The following POLN variants were observed in gnomAD, a reference collection of about 807,000 sequenced individuals.
POLN encodes DNA polymerase N.
Under a neutral mutation model 113.5 loss-of-function variants are expected in POLN, and 108 were observed. That is an observed-to-expected ratio of 0.95 (90% CI 0.81 to 1.12). The LOEUF is 1.12. Ranked by LOEUF, POLN falls within the 50% of genes most tolerant of loss-of-function variation. POLN has a pLI of 0.00. For synonymous variants in POLN, 386 were observed against 391.5 expected, an observed-to-expected ratio of 0.99 and a Z score of 0.17; for missense variants, 1,097 against 1,077.1, an observed-to-expected ratio of 1.02 and a Z score of -0.26.
intron 15 of POLN, among the ~76,000 whole-genome samples, chr4:2,157,083 A>G (rs927990659): frequency 2.0e-5 from 3 of 152,222 alleles, no homozygotes; most frequent in Non-Finnish European, 4.4e-5. Flanking sequence ...AGGAACTGCC[A>G]TAAGACTTTA....
chr4:2,088,945 G>A (rs1175431381), intron 20 of POLN: 12 of 1,002,232 alleles, frequency 1.2e-5, no homozygotes, highest in East Asian at 2.6e-5. Flanking sequence ...TAGCAGCAAC[G>A]GCCTTGGTCC....
At chr4:2,240,268 G>A (rs1052808146) in intron 2 of POLN, 1 of 1,613,648 alleles carries the variant, frequency 6.2e-7, no homozygotes, top group Admixed American at 1.7e-5. Context: ...ACTACTTCAT[G>A]TATACCCTGA....
rs59566433 is a variant in POLN at position 2,078,745 on chromosome 4, G to A, written c.2387+2213C>T. ...TCCACACGAGTCTGCTTTGCATTTT[G>A]CTATGAGAAGCATTTCCTCGTGACA... On this transcript the variant is annotated intron_variant, in intron 23 of 25. Transcript: ENST00000511885. 4.0e-4 allele frequency: 397 copies of A among 985,450 alleles called. 5 individuals are homozygous for A. The East Asian group carries it at 0.036, about 89-fold the overall frequency. The allele number at this position is 985,450 out of a possible 1,614,324, so 61.0% of individuals were successfully genotyped here. A position where few individuals can be genotyped will look rare whatever the true frequency, so the allele number is the denominator to read the frequency against.
chr4:2,092,179 C>T (rs559069681), intron 20 of POLN, among the ~76,000 whole-genome samples: 2 of 152,294 alleles, frequency 1.3e-5, no homozygotes, highest in African/African-American at 4.8e-5. Context: ...CTGACAGGTG[C>T]GAGCCCCTCG....
intron 3 of POLN, among the ~76,000 whole-genome samples, chr4:2,221,130 A>T (rs1734243803): frequency 6.6e-6 from 1 of 151,998 alleles, no homozygotes; most frequent in Non-Finnish European, 1.5e-5. Context: ...TTTATTTTTT[A>T]AATAAAATTT....
At chr4:2,107,587 A>C (rs1156346078) in intron 19 of POLN, among the ~76,000 whole-genome samples, 1 of 152,160 alleles carries the variant, frequency 6.6e-6, no homozygotes, top group Non-Finnish European at 1.5e-5. Context: ...TTACACCAGT[A>C]GATGTGGGAG....
At chr4:2,172,794 A>G (rs1437805980) in intron 11 of POLN, among the ~76,000 whole-genome samples, 1 of 152,202 alleles carries the variant, frequency 6.6e-6, no homozygotes, top group Non-Finnish European at 1.5e-5. Flanking sequence ...CCTGTGTCCC[A>G]GCAGCACTAG....
At chr4:2,086,699 C>CT (rs1730558877) in intron 20 of POLN, among the ~76,000 whole-genome samples, 1 of 152,178 alleles carries the variant, frequency 6.6e-6, no homozygotes, top group South Asian at 2.1e-4. Flanking sequence ...AGCCTTGGCC[C>CT]TGGGGAGTGC....
intron 23 of POLN, chr4:2,080,660 G>A: frequency 7.6e-7 from 1 of 1,309,632 alleles, no homozygotes; most frequent in Non-Finnish European, 9.8e-7. Flanking sequence ...CCTCTGGGGT[G>A]GGCAGCCTCA....
intron 19 of POLN, among the ~76,000 whole-genome samples, chr4:2,096,638 C>A (rs1034770287): frequency 3.3e-5 from 5 of 150,516 alleles, no homozygotes; most frequent in Non-Finnish European, 5.9e-5. Context: ...ATCATCTACA[C>A]CAGGCCTCCC....
At chr4:2,123,624 CAAAAAAAAAAAA>C (rs771462226) in intron 19 of POLN, among the ~76,000 whole-genome samples, 1 of 54,954 alleles carries the variant, frequency 1.8e-5, no homozygotes, top group Non-Finnish European at 3.6e-5. Context: ...GACCCTGTCT[CAAAAAAAAAAAA>C]AAAAAAAAAG....
chr4:2,142,415 G>C (rs927225488), intron 16 of POLN, among the ~76,000 whole-genome samples: 1 of 152,196 alleles, frequency 6.6e-6, no homozygotes. Context: ...TATTTTGTTC[G>C]ATTAAAGCTG....
chr4:2,114,894 T>C (rs1318576352), intron 19 of POLN, among the ~76,000 whole-genome samples: 2 of 151,892 alleles, frequency 1.3e-5, no homozygotes, highest in Admixed American at 6.6e-5. Flanking sequence ...CTGATATTGT[T>C]GCACAGATCT....
intron 5 of POLN, among the ~76,000 whole-genome samples, chr4:2,204,487 T>G (rs1733797035): frequency 6.6e-6 from 1 of 152,182 alleles, no homozygotes; most frequent in African/African-American, 2.4e-5. Context: ...CCAGACAGAT[T>G]CACAGCAGAA....
At chr4:2,113,859 AAATAATAATAAT>A (rs150255371) in intron 19 of POLN, among the ~76,000 whole-genome samples, 313 of 140,022 alleles carry the variant, frequency 2.2e-3, no homozygotes, top group African/African-American at 6.5e-3. Context: ...CTCCATTTCA[AAATAATAATAAT>A]AATAATAATA....
At chr4:2,188,278 T>C (rs1254516695) in intron 7 of POLN, among the ~76,000 whole-genome samples, 1 of 151,992 alleles carries the variant, frequency 6.6e-6, no homozygotes, top group African/African-American at 2.4e-5. Flanking sequence ...TCTTCCAAGA[T>C]ATGCTAAAAG....
chr4:2,074,462 T>C (rs1730229588), intron 24 of POLN, among the ~76,000 whole-genome samples: 1 of 152,210 alleles, frequency 6.6e-6, no homozygotes, highest in Non-Finnish European at 1.5e-5. Flanking sequence ...GGGAACGTTT[T>C]CTTTCCTTTT....
At chr4:2,201,961 A>G (rs764438153) in intron 5 of POLN, among the ~76,000 whole-genome samples, 2 of 152,248 alleles carry the variant, frequency 1.3e-5, no homozygotes, top group African/African-American at 2.4e-5. Flanking sequence ...TCCTTTTCAG[A>G]CAAACAAATG....
At chr4:2,146,283 A>G (rs946866019) in intron 16 of POLN, among the ~76,000 whole-genome samples, 3 of 151,672 alleles carry the variant, frequency 2.0e-5, no homozygotes, top group Non-Finnish European at 4.4e-5. Context: ...AGGCAGGCGG[A>G]TCACCTGAGG....
Sources: allele counts gnomAD v4.1 joint callset (sites outside exome capture counted in the v4.1 genomes callset), GRCh38; gene constraint gnomAD v4.1.1; transcripts MANE v1.5; gene names NCBI Gene and HGNC (gene_info 2026-07-23, HGNC 2026-07-21).